Variants in PLCB1 observed in about 807,000 individuals in gnomAD.
PLCB1 encodes phospholipase C beta 1.
PLCB1 carries 46 observed loss-of-function variants against 161.8 expected under a neutral mutation model. The ratio of observed to expected loss-of-function variants is 0.28; its 90% confidence interval spans 0.22 to 0.36. The LOEUF (loss-of-function observed/expected upper bound fraction) is 0.36, where lower values mean the gene tolerates loss of function less well. Among genes scored for constraint, PLCB1 ranks in the 10% least tolerant of loss-of-function variants. The pLI is 1.00. For missense variants in PLCB1, 1,016 were observed against 1,472.5 expected (o/e 0.69, Z 5.07); for synonymous variants, 517 against 503.7 (o/e 1.03, Z -0.35).
rs767999463 is a variant in PLCB1, at chr20:8,724,612, A to C, written c.1582-44A>C. Reference sequence around the variant, plus strand: ...TTCCTGGGAAAATAACTGATAATATAATGCTGACTCTGGAAATGTTTTCTT... The same window carrying C: ...TTCCTGGGAAAATAACTGATAATATCATGCTGACTCTGGAAATGTTTTCTT... On this transcript the variant is annotated intron_variant, in intron 15 of 31. Coordinates refer to ENST00000338037, the MANE Select transcript of PLCB1 (RefSeq NM_015192.4). 8 of 1,068,328 alleles carry C rather than the reference A, an allele frequency of 7.5e-6. No individual in the cohort carries two copies. The East Asian group carries it at 1.9e-4, about 25-fold the overall frequency. 66.2% of individuals were successfully genotyped at this position (1,068,328 alleles called of 1,614,324 possible).
intron 3 of PLCB1, among the ~76,000 whole-genome samples, chr20:8,604,869 T>C (rs1232382599): frequency 6.6e-6 from 1 of 152,170 alleles, no homozygotes; most frequent in Non-Finnish European, 1.5e-5. Context: ...ACAAAGGTCT[T>C]GGGTGTTGTC....
At chr20:8,648,400 G>A (rs980825165) in intron 6 of PLCB1, among the ~76,000 whole-genome samples, 2 of 152,126 alleles carry the variant, frequency 1.3e-5, no homozygotes, top group South Asian at 2.1e-4. Context: ...AAACTAAAGA[G>A]CAAACCCTGT....
At chr20:8,753,230 AT>A (rs1434195935) in intron 23 of PLCB1, among the ~76,000 whole-genome samples, 20 of 152,192 alleles carry the variant, frequency 1.3e-4, no homozygotes, top group Admixed American at 1.3e-3. Context: ...ATTTCATTAT[AT>A]AGTACAATGT....
intron 2 of PLCB1, among the ~76,000 whole-genome samples, chr20:8,248,056 A>G (rs1980967863): frequency 6.6e-6 from 1 of 151,894 alleles, no homozygotes; most frequent in Admixed American, 6.6e-5. Context: ...AATGAGGATT[A>G]TGTGCAGGGG....
intron 3 of PLCB1, among the ~76,000 whole-genome samples, chr20:8,575,275 A>G (rs1421263361): frequency 6.6e-6 from 1 of 152,238 alleles, no homozygotes; most frequent in African/African-American, 2.4e-5. Flanking sequence ...AAGCATTTCA[A>G]ATGGAAACTT....
At chr20:8,853,235 A>G (rs1408663881) in intron 31 of PLCB1, among the ~76,000 whole-genome samples, 1 of 152,186 alleles carries the variant, frequency 6.6e-6, no homozygotes, top group Non-Finnish European at 1.5e-5. Context: ...TCCATATAAG[A>G]TAGCCTCAGG....
intron 2 of PLCB1, among the ~76,000 whole-genome samples, chr20:8,280,999 T>A (rs1982850126): frequency 6.6e-6 from 1 of 152,252 alleles, no homozygotes; most frequent in Admixed American, 6.5e-5. Flanking sequence ...CTGGTTATCT[T>A]TGGCCTTCTG....
chr20:8,184,650 A>G (rs1250076439), intron 2 of PLCB1, among the ~76,000 whole-genome samples: 1 of 151,786 alleles, frequency 6.6e-6, no homozygotes, highest in East Asian at 1.9e-4. Context: ...TGGAAATGCA[A>G]AAAGTCTTCA....
At chr20:8,391,824 TACACAC>T (rs1555803235) in intron 3 of PLCB1, among the ~76,000 whole-genome samples, 1 of 115,414 alleles carries the variant, frequency 8.7e-6, no homozygotes, top group African/African-American at 3.2e-5. Context: ...TATATATATA[TACACAC>T]ACATATATAT....
chr20:8,725,825 A>G (rs1023043907), intron 16 of PLCB1, among the ~76,000 whole-genome samples: 11 of 152,146 alleles, frequency 7.2e-5, no homozygotes, highest in African/African-American at 2.7e-4. Flanking sequence ...ATTCTTCAGA[A>G]CCTGGAAACA....
chr20:8,264,533 G>A (rs535735269), intron 2 of PLCB1, among the ~76,000 whole-genome samples: 1 of 152,234 alleles, frequency 6.6e-6, no homozygotes, highest in East Asian at 1.9e-4. Flanking sequence ...TATACAACTA[G>A]CAGCAATATA....
chr20:8,555,503 A>T (rs1985922201), intron 3 of PLCB1, among the ~76,000 whole-genome samples: 1 of 152,084 alleles, frequency 6.6e-6, no homozygotes. Flanking sequence ...TTCGATTGTT[A>T]TGATTTAAGC....
chr20:8,247,575 A>G (rs1600260105), intron 2 of PLCB1, among the ~76,000 whole-genome samples: 2 of 151,892 alleles, frequency 1.3e-5, no homozygotes, highest in Admixed American at 6.6e-5. Context: ...TTCCAGTGCC[A>G]CCATTTATAA....
intron 4 of PLCB1, among the ~76,000 whole-genome samples, chr20:8,629,978 CT>C (rs1189898879): frequency 3.1e-5 from 1 of 32,570 alleles, no homozygotes; most frequent in African/African-American, 1.5e-4. Flanking sequence ...TTCTTTCTTT[CT>C]TTCTTTCTTT....
intron 2 of PLCB1, among the ~76,000 whole-genome samples, chr20:8,325,657 C>T (rs932205697): frequency 3.9e-5 from 6 of 152,182 alleles, no homozygotes; most frequent in South Asian, 2.1e-4. Flanking sequence ...TTAAGTGACA[C>T]GTGTAAGGCC....
chr20:8,326,007 A>G (rs1985138320), intron 2 of PLCB1, among the ~76,000 whole-genome samples: 1 of 152,224 alleles, frequency 6.6e-6, no homozygotes, highest in Non-Finnish European at 1.5e-5. Flanking sequence ...AGCTACAAGT[A>G]CTTGTATTTG....
At chr20:8,586,035 G>A (rs184666971) in intron 3 of PLCB1, among the ~76,000 whole-genome samples, 3 of 152,212 alleles carry the variant, frequency 2.0e-5, no homozygotes, top group East Asian at 1.9e-4. Flanking sequence ...ATAAATGCTC[G>A]CTGAATGAAT....
At chr20:8,752,811 G>T (rs1183071958) in intron 23 of PLCB1, among the ~76,000 whole-genome samples, 1 of 150,160 alleles carries the variant, frequency 6.7e-6, no homozygotes, top group Non-Finnish European at 1.5e-5. Flanking sequence ...AAAAAAAAGT[G>T]TCTACAGCCC....
intron 3 of PLCB1, among the ~76,000 whole-genome samples, chr20:8,537,860 A>G (rs754633231): frequency 2.6e-5 from 4 of 152,206 alleles, no homozygotes; most frequent in Non-Finnish European, 5.9e-5. Flanking sequence ...CTAATATTTT[A>G]ATTGGAATTT....
Sources: gnomAD v4.1 joint callset for allele counts (sites outside exome capture counted in the v4.1 genomes callset) on GRCh38, gnomAD v4.1.1 for gene constraint, MANE v1.5 for transcripts, NCBI Gene and HGNC (gene_info 2026-07-23, HGNC 2026-07-21) for gene names.